The following ARHGAP27 variants were observed in gnomAD, a reference collection of about 807,000 sequenced individuals.
ARHGAP27 encodes rho GTPase-activating protein 27.
In ARHGAP27, 53 loss-of-function variants were observed where a neutral mutation model predicts 102.0. The ratio of observed to expected loss-of-function variants is 0.52; its 90% confidence interval spans 0.42 to 0.65. The LOEUF (loss-of-function observed/expected upper bound fraction) is 0.65, where lower values mean the gene tolerates loss of function less well. Ranked by LOEUF, ARHGAP27 falls within the 30% of genes least tolerant of loss-of-function variation. ARHGAP27 has a pLI of 0.00. For synonymous variants in ARHGAP27, 525 were observed against 542.8 expected (o/e 0.97, Z 0.46); for missense variants, 1,117 against 1,256.2 (o/e 0.89, Z 1.68).
chr17:45,424,041 T>C (rs921577565), intron 4 of ARHGAP27, among the ~76,000 whole-genome samples: 1 of 152,220 alleles, frequency 6.6e-6, no homozygotes, highest in Admixed American at 6.5e-5. Flanking sequence ...CTGCTACCTC[T>C]GCTTCCTCTC....
chr17:45,397,038 G>A lies in ARHGAP27; in HGVS notation c.1843-14C>T. 6.2e-7 allele frequency: 1 copy of A among 1,601,304 alleles called. No individual in the cohort carries two copies. Among genetic ancestry groups the A allele is most frequent in the Non-Finnish European group, 8.5e-7 (1 of 1,179,688 alleles). ...CAGCTCTGCGGACTGGATTCCCATA[G>A]CCTCAGAGAGGCGGGGCCTTGAGCC... On this transcript the variant is annotated splice_polypyrimidine_tract_variant and intron_variant, in intron 13 of 19. Coordinates refer to ENST00000685559, the MANE Select transcript of ARHGAP27 (RefSeq NM_001282290.2).
intron 4 of ARHGAP27, among the ~76,000 whole-genome samples, chr17:45,416,244 C>T (rs539714116): frequency 5.0e-4 from 75 of 151,028 alleles, no homozygotes; most frequent in Middle Eastern, 3.4e-3. Context: ...TTAGTAGAGA[C>T]GGGGTTTCAC....
chr17:45,395,480 G>A lies in ARHGAP27; in HGVS notation c.2646C>T (p.Cys882=). 2 of 1,572,966 alleles carry A rather than the reference G, an allele frequency of 1.3e-6. No homozygotes were observed. Among genetic ancestry groups the A allele is most frequent in the Non-Finnish European group, 1.7e-6 (2 of 1,158,290 alleles). The change falls in exon 20 of 20, where the codon TGC becomes TGT. Residue 882 remains cysteine, a synonymous_variant. Coordinates refer to ENST00000685559, the MANE Select transcript of ARHGAP27 (RefSeq NM_001282290.2). The part of the protein sequence containing the change: ...NQVVELILQQ[C]ADIFPPH ...GTCAGTGCGGCGGGAAGATGTCCGC[G>A]CACTGCTGCAGGATGAGCTCCACCA...
intron 4 of ARHGAP27, among the ~76,000 whole-genome samples, chr17:45,422,508 CA>C (rs925291316): frequency 2.0e-5 from 3 of 150,688 alleles, no homozygotes; most frequent in African/African-American, 4.9e-5. Context: ...TAAGCAAGTA[CA>C]AAAAAAAGAT....
chr17:45,425,021 G>T (rs924627533), intron 4 of ARHGAP27, among the ~76,000 whole-genome samples: 1 of 151,280 alleles, frequency 6.6e-6, no homozygotes, highest in African/African-American at 2.4e-5. Flanking sequence ...GGGGTGCGGG[G>T]GGTGGGCAGG....
chr17:45,416,089 A>G (rs966472893), intron 4 of ARHGAP27, among the ~76,000 whole-genome samples: 2 of 150,486 alleles, frequency 1.3e-5, no homozygotes, highest in African/African-American at 4.9e-5. Context: ...TCTGTCGCCC[A>G]GGCTGGAGTG....
Position 45,396,074 on chromosome 17 carries a change from G to T in ARHGAP27, c.2295C>A (p.His765Gln), listed in dbSNP as rs778699469. The change falls in exon 18 of 20, where the codon CAC becomes CAA. Residue 765 changes from histidine (H) to glutamine (Q), a missense_variant. By Grantham distance (24) the His-to-Gln change is conservative (BLOSUM62 0). Transcript: ENST00000685559. ...DLDDGRWEDV[H>Q]VITGALKLFF... ...AGAGCTTCAGGGCTCCGGTGATAAC[G>T]TGGACGTCCTCCCAGCGCCCGTCAT... 1.2e-6 allele frequency: 2 copies of T among 1,613,934 alleles called. No homozygotes were observed. The highest frequency in any genetic ancestry group is 1.3e-5 in the African/African-American group (1 of 75,066).
intron 13 of ARHGAP27, 76 bp downstream of exon 13, chr17:45,397,873 T>G (rs1471199878): frequency 7.5e-7 from 1 of 1,332,888 alleles, no homozygotes; most frequent in Non-Finnish European, 1.0e-6. Context: ...TAGAGCTCCC[T>G]GAGCCTGAGC....
At chr17:45,432,018 C>T (rs2050092041) in intron 2 of ARHGAP27, among the ~76,000 whole-genome samples, 198 bp downstream of exon 2, 1 of 147,212 alleles carries the variant, frequency 6.8e-6, no homozygotes. Context: ...GCCCCCCCAC[C>T]CCCCACCCCC....
Position 45,411,682 on chromosome 17 carries a change from C to T in ARHGAP27, c.658-5599G>A, listed in dbSNP as rs1054517916. Reference sequence around the variant, plus strand: ...CCAGACCCCAGGGGTAGACTAATCCCCTCCTCGCTATCAGGGTGGAGGACA... The same window carrying T: ...CCAGACCCCAGGGGTAGACTAATCCTCTCCTCGCTATCAGGGTGGAGGACA... On this transcript the variant is annotated intron_variant, in intron 4 of 19. Transcript: ENST00000685559. Among the ~76,000 whole-genome samples, 3 of 152,144 alleles carry T rather than the reference C, an allele frequency of 2.0e-5. No homozygotes were observed. The East Asian group carries it at 5.8e-4, about 29-fold the overall frequency.
In ARHGAP27 at chr17:45,396,271, G is replaced by A. The variant is rs530491453; in HGVS notation, c.2187C>T (p.Asp729=). The part of the protein sequence containing the change: ...RAVEARGLDI[D]GLYRISGNLA... ...GGTTTCCACTGATGCGGTACAGCCC[G>A]TCGATGTCCAGCCCTGGGCCAGAGG... Residue 729 remains aspartate (D), a synonymous_variant, in exon 17 of 20, where the codon GAC becomes GAT. Coordinates refer to ENST00000685559, the MANE Select transcript of ARHGAP27 (RefSeq NM_001282290.2). The A allele has an allele frequency of 9.9e-6, 16 of 1,612,688 alleles. No individual in the cohort carries two copies. Among genetic ancestry groups the A allele is most frequent in the African/African-American group, 2.7e-5 (2 of 75,010 alleles).
In ARHGAP27 at chr17:45,429,669, A is replaced by C; in HGVS notation, c.611T>G (p.Val204Gly). Residue 204 changes from valine to glycine, a missense_variant, in exon 4 of 20, where the codon GTC becomes GGC. Transcript: ENST00000685559. ...ARSDSENVYE[V>G]IQDLHVPPPE... ...CGGCGGGACGTGCAAGTCCTGGATG[A>C]CCTCGTAGACGTTCTCTGAGTCGCT... 1.9e-6 allele frequency: 3 copies of C among 1,578,974 alleles called. No homozygotes were observed. Among genetic ancestry groups the C allele is most frequent in the Non-Finnish European group, 2.6e-6 (3 of 1,162,220 alleles).
Position 45,396,778 on chromosome 17 carries a change from A to G in ARHGAP27, c.1964T>C (p.Leu655Pro), listed in dbSNP as rs763629512. Residue 655 changes from leucine (L) to proline (P), a missense_variant, in exon 15 of 20, where the codon CTG becomes CCG. By Grantham distance (98) the Leu-to-Pro change is moderately conservative (BLOSUM62 -3). Transcript: ENST00000685559. ...GTCGCTCTCCAGGCCCACGGGGCCCAGGGCGGGCGCGGCTGCCGCGGGGAA... is the reference window on the plus strand; with the variant it reads ...GTCGCTCTCCAGGCCCACGGGGCCCGGGGCGGGCGCGGCTGCCGCGGGGAA... ...DARPNAAAPALGPVGLESDLS... is the reference protein window; with the variant it reads ...DARPNAAAPAPGPVGLESDLS... 2.5e-6 allele frequency: 4 copies of G among 1,611,950 alleles called. No individual in the cohort carries two copies. In the African/African-American group the frequency reaches 5.3e-5, roughly 22 times the overall value.
intron 12 of ARHGAP27, among the ~76,000 whole-genome samples, chr17:45,400,559 T>C (rs1004913733): frequency 2.0e-5 from 3 of 152,150 alleles, no homozygotes; most frequent in Non-Finnish European, 4.4e-5. Context: ...ATGATCTTCA[T>C]TGAGAACTGT....
chr17:45,431,905 A>T lies in ARHGAP27; in HGVS notation c.-150-153T>A, dbSNP rs2145118005. 1.3e-5 allele frequency among the ~76,000 whole-genome samples: 2 copies of T among 152,206 alleles called. 1 individual carries two copies. Among genetic ancestry groups the T allele is most frequent in the Middle Eastern group, 6.8e-3 (2 of 294 alleles). ...ACGAGGCCCAGAGCAGAAGGCCGGC[A>T]CCTGGAGCCGGGACTGCTGCGTCTG... On this transcript the variant is annotated intron_variant, in intron 2 of 19. Transcript: ENST00000685559.
Position 45,395,768 on chromosome 17 carries a change from C to A in ARHGAP27, c.2468G>T (p.Arg823Leu). 6.2e-7 allele frequency: 1 copy of A among 1,601,404 alleles called. No individual in the cohort carries two copies. The highest frequency in any genetic ancestry group is 8.5e-7 in the Non-Finnish European group (1 of 1,176,794). Residue 823 changes from arginine to leucine, a missense_variant, in exon 19 of 20, where the codon CGG (arginine) becomes CTG (leucine). Transcript: ENST00000685559. The stretch of plus-strand genomic sequence containing the variant: ...CCGGCAGAGGTGCTGGAAGAGCATC[C>A]GCAGAGTGTCGTGGTTGGGAGCGGG... ...SLPAPNHDTLRMLFQHLCRVI... is the reference protein window; with the variant it reads ...SLPAPNHDTLLMLFQHLCRVI...
chr17:45,419,512 G>GTATA (rs71136087), intron 4 of ARHGAP27, among the ~76,000 whole-genome samples: 20 of 119,748 alleles, frequency 1.7e-4, no homozygotes, highest in South Asian at 5.5e-4. Flanking sequence ...TATGCTGTAT[G>GTATA]TATATATATA....
chr17:45,396,906 TTGCGCAC>T lies in ARHGAP27; in HGVS notation c.1951+3_1951+9del. ...CCTGGAGCCCCCACCCCATCCTGCC[TTGCGCAC>T]ACCTGCATTCGGTCGCGCGTCCTCC... On this transcript the variant is annotated splice_donor_5th_base_variant and intron_variant, in intron 14 of 19. Coordinates refer to ENST00000685559, the MANE Select transcript of ARHGAP27 (RefSeq NM_001282290.2). 6.2e-7 allele frequency: 1 copy of T among 1,607,198 alleles called. No homozygotes were observed. The highest frequency in any genetic ancestry group is 8.5e-7 in the Non-Finnish European group (1 of 1,179,926).
chr17:45,395,928 A>G, intron 18 of ARHGAP27, 55 bp downstream of exon 18: 1 of 1,564,048 alleles, frequency 6.4e-7, no homozygotes, highest in Non-Finnish European at 8.7e-7. Flanking sequence ...AGCCTGCTAA[A>G]GGGGTGCCCC....
Sources: allele counts gnomAD v4.1 joint callset (sites outside exome capture counted in the v4.1 genomes callset), GRCh38; gene constraint gnomAD v4.1.1; transcripts MANE v1.5; gene names NCBI Gene and HGNC (gene_info 2026-07-23, HGNC 2026-07-21).